The following FZD3 variants were observed in gnomAD, a reference collection of about 807,000 sequenced individuals.
FZD3 encodes the protein frizzled class receptor 3.
Under a neutral mutation model 60.7 loss-of-function variants are expected in FZD3, and 30 were observed. The ratio of observed to expected loss-of-function variants is 0.49; its 90% CI spans 0.37 to 0.67. The LOEUF (loss-of-function observed/expected upper bound fraction) is 0.67. Among genes scored for constraint, FZD3 ranks in the 30% least tolerant of loss-of-function variants. The pLI, the probability that FZD3 is intolerant of heterozygous loss-of-function variation, is 0.00. For synonymous variants in FZD3, 246 were observed against 275.2 expected, an observed-to-expected ratio of 0.89 and a Z score of 1.05; for missense variants, 605 against 838.7, an observed-to-expected ratio of 0.72 and a Z score of 3.44.
intron 3 of FZD3, among the ~76,000 whole-genome samples, chr8:28,514,407 G>A (rs1804369502): frequency 6.6e-6 from 1 of 152,132 alleles, no homozygotes; most frequent in Non-Finnish European, 1.5e-5. Flanking sequence ...TATAATGTGA[G>A]TACAGTAAAC....
rs567750029 is a variant in FZD3, at chr8:28,497,472, T to C, written c.-390-2461T>C. On this transcript the variant is annotated intron_variant, in intron 1 of 7. Transcript: ENST00000240093. The stretch of plus-strand genomic sequence containing the variant: ...AATAATTTCCTTAAGAAGCTCTTAT[T>C]TAGAGATAGTTATTGCTAATCCTTG... Among the ~76,000 whole-genome samples, 38 of 150,478 alleles carry C rather than the reference T, an allele frequency of 2.5e-4. No homozygotes were observed. In the South Asian group the frequency reaches 7.8e-3, roughly 31 times the overall value.
chr8:28,538,290 T>C (rs1805071988), intron 5 of FZD3, among the ~76,000 whole-genome samples: 1 of 152,136 alleles, frequency 6.6e-6, no homozygotes, highest in Non-Finnish European at 1.5e-5. Context: ...GAAATAATTT[T>C]AGTATTTTAT....
At chr8:28,519,275 A>C (rs1266180626) in intron 3 of FZD3, among the ~76,000 whole-genome samples, 1 of 152,222 alleles carries the variant, frequency 6.6e-6, no homozygotes, top group Non-Finnish European at 1.5e-5. Context: ...TCCATAGTCA[A>C]AAGCCCAGAT....
At chr8:28,543,689 A>G (rs927511279) in intron 5 of FZD3, among the ~76,000 whole-genome samples, 1 of 151,722 alleles carries the variant, frequency 6.6e-6, no homozygotes, top group Non-Finnish European at 1.5e-5. Context: ...CCCACACTCT[A>G]CTTTTATGAG....
At chr8:28,524,584 A>T (rs905070385) in intron 4 of FZD3, among the ~76,000 whole-genome samples, 1 of 152,120 alleles carries the variant, frequency 6.6e-6, no homozygotes, top group Admixed American at 6.6e-5. Flanking sequence ...TATTTCTCAG[A>T]CTGTTCCTTC....
rs1167373207 is a variant in FZD3 at position 28,566,796 on chromosome 8, C to T, written c.*3785C>T. 6.6e-6 allele frequency: 1 copy of T among 151,992 alleles called. No homozygotes were observed. The highest frequency in any genetic ancestry group is 2.4e-5 in the African/African-American group (1 of 41,382). The allele number at this position is 151,992 out of a possible 1,614,324, so 9.4% of individuals were successfully genotyped here. ...ATAGTCTGGTGTAATGAAAATTCCC[C>T]TGGGATTGGAATTTTAAGACTCATG... is the stretch of plus-strand genomic sequence containing the variant. On this transcript the variant is annotated 3_prime_UTR_variant, in exon 8 of 8. Coordinates refer to ENST00000240093, the MANE Select transcript of FZD3 (RefSeq NM_017412.4).
chr8:28,541,124 G>A (rs941384908), intron 5 of FZD3, among the ~76,000 whole-genome samples: 2 of 146,858 alleles, frequency 1.4e-5, no homozygotes, highest in African/African-American at 2.4e-5. Flanking sequence ...TTTATAAGTA[G>A]ATAATAATGT....
intron 4 of FZD3, among the ~76,000 whole-genome samples, chr8:28,525,611 G>A (rs1804695606): frequency 6.6e-6 from 1 of 152,164 alleles, no homozygotes; most frequent in Admixed American, 6.6e-5. Flanking sequence ...AATAAGATCA[G>A]AAAAGTACTG....
In FZD3 at chr8:28,527,165, G is replaced by T; in HGVS notation, c.405G>T (p.Glu135Asp). Residue 135 changes from glutamate to aspartate, a missense_variant, in exon 5 of 8, where the codon GAG becomes GAT. Transcript: ENST00000240093. This position sits in a 1 kb window ranked among gnomAD's most constrained non-coding sequence, Gnocchi z 5.0. ...TTTTTAGGTTCCCAGATTGTGATGA[G>T]CCATATCCTCGACTTGTGGATCTGA... Reference protein sequence around the residue: ...MECSRFPDCDEPYPRLVDLNL... With the variant: ...MECSRFPDCDDPYPRLVDLNL... 3.7e-6 allele frequency: 6 copies of T among 1,611,602 alleles called. No homozygotes were observed. The highest frequency in any genetic ancestry group is 5.1e-6 in the Non-Finnish European group (6 of 1,179,210).
intron 3 of FZD3, among the ~76,000 whole-genome samples, chr8:28,515,303 G>T (rs146122450): frequency 6.6e-6 from 1 of 152,188 alleles, no homozygotes; most frequent in Non-Finnish European, 1.5e-5. Flanking sequence ...TCAACTGAGG[G>T]ACGTAAGGCA....
chr8:28,573,403 A>G lies in FZD3; in HGVS notation c.*10392A>G, dbSNP rs1469627873. On this transcript the variant is annotated 3_prime_UTR_variant, in exon 8 of 8. Coordinates refer to ENST00000240093, the MANE Select transcript of FZD3 (RefSeq NM_017412.4). ...AATTTAAATTAGTGTTGATGGGACT[A>G]TTTTGAGGCAAGAGATACCATTAAG... is the stretch of plus-strand genomic sequence containing the variant. The G allele has an allele frequency of 6.6e-6, 1 of 152,008 alleles. No homozygotes were observed. Among genetic ancestry groups the G allele is most frequent in the Non-Finnish European group, 1.5e-5 (1 of 67,980 alleles). 9.4% of individuals were successfully genotyped at this position (152,008 alleles called of 1,614,324 possible).
chr8:28,518,054 C>T (rs10101085), intron 3 of FZD3, among the ~76,000 whole-genome samples: 94,777 of 151,638 alleles, frequency 0.63, 30,033 homozygotes, highest in African/African-American at 0.71. Flanking sequence ...TTATTTATTT[C>T]AGAGACAGGG....
intron 3 of FZD3, 150 bp downstream of exon 3, chr8:28,503,352 C>T: frequency 2.0e-6 from 1 of 496,816 alleles, no homozygotes; most frequent in South Asian, 3.5e-5. Context: ...ATATGTTTTG[C>T]TTCAGACTCT....
intron 3 of FZD3, among the ~76,000 whole-genome samples, chr8:28,518,946 A>T (rs1455283376): frequency 1.3e-5 from 2 of 152,076 alleles, no homozygotes; most frequent in Non-Finnish European, 2.9e-5. Context: ...ATAACTTAAA[A>T]TTTTTTCTGT....
chr8:28,546,584 G>T (rs1417729335), intron 5 of FZD3, among the ~76,000 whole-genome samples: 1 of 152,066 alleles, frequency 6.6e-6, no homozygotes, highest in Admixed American at 6.5e-5. Context: ...CCAACAGTGA[G>T]GGTGTTTCCC....
Position 28,520,785 on chromosome 8 carries a change from C to A in FZD3, c.337C>A (p.Leu113Ile), listed in dbSNP as rs137887908. 77 of 1,608,982 alleles carry A rather than the reference C, an allele frequency of 4.8e-5. No homozygotes were observed. The highest frequency in any genetic ancestry group is 1.6e-4 in the Middle Eastern group (1 of 6,070). Residue 113 changes from leucine to isoleucine, a missense_variant, in exon 4 of 8, where the codon CTC (leucine) becomes ATC (isoleucine). Transcript: ENST00000240093. ...CQRAYSECSK[L>I]MEMFGVPWPE... ...GCGGGCTTACAGTGAGTGTTCGAAG[C>A]TCATGGAGATGTTTGGTGTTCCTTG...
In FZD3 at chr8:28,535,014, C is replaced by A. The variant is rs146732467; in HGVS notation, c.1404+6850C>A. Among the ~76,000 whole-genome samples the A allele has an allele frequency of 9.1e-3, 1,392 of 152,214 alleles. 25 individuals carry two copies. Among genetic ancestry groups the A allele is most frequent in the African/African-American group, 0.031 (1,305 of 41,542 alleles). On this transcript the variant is annotated intron_variant, in intron 5 of 7. Coordinates refer to ENST00000240093, the MANE Select transcript of FZD3 (RefSeq NM_017412.4). ...TATTTGAATATATTTGCTTAAAAACCAATAAGGTTGCTTAACAGTTATCTC... is the reference window on the plus strand; with the variant it reads ...TATTTGAATATATTTGCTTAAAAACAAATAAGGTTGCTTAACAGTTATCTC...
intron 7 of FZD3, among the ~76,000 whole-genome samples, chr8:28,556,614 G>A (rs912526230): frequency 2.6e-5 from 4 of 151,230 alleles, no homozygotes; most frequent in African/African-American, 9.7e-5. Context: ...TCCGTGAAGA[G>A]CCAGATAGTA....
chr8:28,516,443 T>C (rs1007702204), intron 3 of FZD3, among the ~76,000 whole-genome samples: 6 of 152,194 alleles, frequency 3.9e-5, no homozygotes, highest in Non-Finnish European at 8.8e-5. Context: ...CAGAAGGCCG[T>C]TGGGATTTTT....
Sources: gnomAD v4.1 joint callset for allele counts (sites outside exome capture counted in the v4.1 genomes callset) on GRCh38, gnomAD v4.1.1 for gene constraint, Gnocchi (gnomAD v3.1) non-coding constraint, MANE v1.5 for transcripts, NCBI Gene and HGNC (gene_info 2026-07-23, HGNC 2026-07-21) for gene names.